Variants in CRYBG1 observed in about 807,000 individuals in gnomAD.
CRYBG1 encodes the protein beta/gamma crystallin domain-containing protein 1.
CRYBG1 carries 139 observed loss-of-function variants against 189.2 expected under a neutral mutation model. The ratio of observed to expected loss-of-function variants is 0.73; its 90% CI spans 0.64 to 0.85. The LOEUF is 0.85. Among genes scored for constraint, CRYBG1 ranks in the 40% least tolerant of loss-of-function variants. CRYBG1 has a pLI of 0.00. For missense variants in CRYBG1, 2,611 were observed against 2,675.8 expected (o/e 0.98, Z 0.53); for synonymous variants, 1,023 against 1,017.1 (o/e 1.01, Z -0.11).
intron 1 of CRYBG1, among the ~76,000 whole-genome samples, chr6:106,445,146 A>C (rs6928426): frequency 0.31 from 46,990 of 151,950 alleles, 7,557 homozygotes; most frequent in Middle Eastern, 0.47. Flanking sequence ...ATTGGCAACA[A>C]GAAATACTTG....
intron 13 of CRYBG1, among the ~76,000 whole-genome samples, chr6:106,548,911 A>C: frequency 1.0e-5 from 1 of 98,254 alleles, no homozygotes; most frequent in South Asian, 3.9e-4. Flanking sequence ...ACCCCACAAC[A>C]GTCCCCGGTG....
chr6:106,561,534 G>T (rs1488913753), intron 20 of CRYBG1, 34 bp downstream of exon 20: 2 of 1,591,146 alleles, frequency 1.3e-6, no homozygotes, highest in Admixed American at 3.5e-5. Flanking sequence ...GCCTGTGATG[G>T]CTTTGCTAGG....
chr6:106,529,936 G>T (rs376754376), intron 7 of CRYBG1, among the ~76,000 whole-genome samples: 114 of 152,318 alleles, frequency 7.5e-4, no homozygotes, highest in African/African-American at 2.7e-3. Flanking sequence ...CATTTCTGAT[G>T]ATCTTTGCTT....
At chr6:106,551,811 TA>T (rs1293638885) in intron 13 of CRYBG1, 40 bp from the exon 14 acceptor site, 1 of 1,594,474 alleles carries the variant, frequency 6.3e-7, no homozygotes, top group Non-Finnish European at 8.6e-7. Context: ...GTTTTATATG[TA>T]AAATATGAAC....
chr6:106,568,366 C>A, intron 21 of CRYBG1, 106 bp from the exon 22 acceptor site: 1 of 906,250 alleles, frequency 1.1e-6, no homozygotes, highest in Non-Finnish European at 1.8e-6. Flanking sequence ...AGTTCTACAC[C>A]TTGTTTACTT....
intron 8 of CRYBG1, among the ~76,000 whole-genome samples, chr6:106,534,805 T>G (rs1050009792): frequency 6.6e-5 from 10 of 152,076 alleles, no homozygotes; most frequent in African/African-American, 2.4e-4. Context: ...TATTGGGTTT[T>G]TTGGGGGCGG....
chr6:106,363,427 G>T (rs941948622), intron 1 of CRYBG1, among the ~76,000 whole-genome samples: 3 of 152,090 alleles, frequency 2.0e-5, no homozygotes, highest in African/African-American at 7.2e-5. Flanking sequence ...TTTCTAGTTA[G>T]ATCATCTTTA....
chr6:106,542,287 T>G (rs1332130867), intron 10 of CRYBG1, among the ~76,000 whole-genome samples: 1 of 147,838 alleles, frequency 6.8e-6, no homozygotes, highest in African/African-American at 2.5e-5. Flanking sequence ...TTTAGGGTTT[T>G]TTTTTTTTTT....
chr6:106,560,775 C>A, intron 18 of CRYBG1, 28 bp from the exon 19 acceptor site: 1 of 1,585,952 alleles, frequency 6.3e-7, no homozygotes, highest in East Asian at 2.3e-5. Flanking sequence ...TGAAAATTGC[C>A]ACTTACTGTG....
intron 2 of CRYBG1, among the ~76,000 whole-genome samples, chr6:106,470,146 C>A (rs991015766): frequency 6.6e-6 from 1 of 152,198 alleles, no homozygotes; most frequent in Non-Finnish European, 1.5e-5. Context: ...GGTTCTGTGA[C>A]ACACCCAGAA....
chr6:106,479,336 A>G (rs1267414903), intron 2 of CRYBG1, among the ~76,000 whole-genome samples: 1 of 152,224 alleles, frequency 6.6e-6, no homozygotes, highest in Non-Finnish European at 1.5e-5. Flanking sequence ...ACAAGGGCAC[A>G]ACCCTCATGA....
rs1255644880 is a variant in CRYBG1, at chr6:106,474,482, G to A, written c.312+22650G>A. Reference sequence around the variant, plus strand: ...TTTAAAGGCTTAATTGATTTTTTAAGTCATAAAGGTTTTACTTTTTATTTA... The same window carrying A: ...TTTAAAGGCTTAATTGATTTTTTAAATCATAAAGGTTTTACTTTTTATTTA... On this transcript the variant is annotated intron_variant, in intron 2 of 21. Transcript: ENST00000633556. Among the ~76,000 whole-genome samples the A allele has an allele frequency of 2.0e-5, 3 of 152,230 alleles. No individual in the cohort carries two copies. The East Asian group carries it at 5.8e-4, about 29-fold the overall frequency.
In CRYBG1 at chr6:106,539,495, A is replaced by C. The variant is rs783396; in HGVS notation, c.4811A>C (p.Glu1604Ala). 0.93 allele frequency: 1,500,404 copies of C among 1,613,588 alleles called. 697,806 individuals are homozygous for C. The highest frequency in any genetic ancestry group is 0.96 in the South Asian group (87,429 of 91,060). Residue 1604 changes from glutamate to alanine, a missense_variant, in exon 9 of 22, where the codon GAA (glutamate) becomes GCA (alanine). Glu to Ala is a moderately radical substitution (Grantham distance 107). Around this residue, in one of 3 missense-constraint regions of CRYBG1, gnomAD observed 1,622 missense variants for 1,735.0 expected, o/e 0.93. Transcript: ENST00000633556. ...GACTTGTCCTTCTGGGATACAGAAGAAGCGTACATTGGATCCATGCGGCCT... is the reference window on the plus strand; with the variant it reads ...GACTTGTCCTTCTGGGATACAGAAGCAGCGTACATTGGATCCATGCGGCCT... ...YPDLSFWDTE[E>A]AYIGSMRPLK... is the part of the protein sequence containing the mutation.
At chr6:106,506,573 C>A (rs1183363279) in intron 2 of CRYBG1, among the ~76,000 whole-genome samples, 1 of 150,968 alleles carries the variant, frequency 6.6e-6, no homozygotes, top group Non-Finnish European at 1.5e-5. Flanking sequence ...CTGCTTCAGC[C>A]TCCTGAGTAG....
At chr6:106,450,346 C>T (rs193153817) in intron 1 of CRYBG1, among the ~76,000 whole-genome samples, 32 of 152,228 alleles carry the variant, frequency 2.1e-4, no homozygotes, top group African/African-American at 7.5e-4. Flanking sequence ...CTCTATTCCT[C>T]TTTATATCCT....
intron 20 of CRYBG1, 140 bp downstream of exon 20, chr6:106,561,640 C>CA: frequency 1.9e-6 from 2 of 1,032,422 alleles, no homozygotes; most frequent in Non-Finnish European, 2.8e-6. Flanking sequence ...TTGTTTTTTT[C>CA]ATGACAGTAT....
chr6:106,424,699 C>T (rs904063435), intron 1 of CRYBG1, among the ~76,000 whole-genome samples: 3 of 151,954 alleles, frequency 2.0e-5, no homozygotes, highest in African/African-American at 7.3e-5. Context: ...TGACCTCAGG[C>T]GATCCGCCTG....
intron 8 of CRYBG1, among the ~76,000 whole-genome samples, chr6:106,538,746 C>G (rs1774060181): frequency 1.3e-5 from 2 of 151,858 alleles, no homozygotes; most frequent in African/African-American, 4.8e-5. Flanking sequence ...AAATGCAAAA[C>G]TTAGTCGGAT....
intron 7 of CRYBG1, among the ~76,000 whole-genome samples, chr6:106,529,651 A>G (rs1431018445): frequency 6.6e-6 from 1 of 152,188 alleles, no homozygotes; most frequent in African/African-American, 2.4e-5. Context: ...AAGTACAGAG[A>G]TTTGTAAATC....
Sources: allele counts gnomAD v4.1 joint callset (sites outside exome capture counted in the v4.1 genomes callset), GRCh38; gene constraint gnomAD v4.1.1; regional missense constraint gnomAD v4.1.1; transcripts MANE v1.5; gene names NCBI Gene and HGNC (gene_info 2026-07-23, HGNC 2026-07-21).